PAN3: variants seen among roughly 807,000 people sequenced by gnomAD.
PAN3 encodes the protein poly(A) specific ribonuclease subunit PAN3, also known as PAN2-PAN3 deadenylation complex subunit PAN3.
In PAN3, 19 loss-of-function variants were observed where a neutral mutation model predicts 96.2. The observed-to-expected ratio is 0.20, with a 90% confidence interval of 0.14 to 0.29. PAN3 has a LOEUF of 0.29. Ranked by LOEUF, PAN3 falls within the 10% of genes least tolerant of loss-of-function variation. The pLI, the probability that PAN3 is intolerant of heterozygous loss-of-function variation, is 1.00. For synonymous variants in PAN3, 433 were observed against 406.6 expected (o/e 1.06, Z -0.78); for missense variants, 882 against 1,108.1 (o/e 0.80, Z 2.90).
At chr13:28,259,534 TA>T (rs1885513017) in intron 7 of PAN3, among the ~76,000 whole-genome samples, 1 of 151,960 alleles carries the variant, frequency 6.6e-6, no homozygotes, top group African/African-American at 2.4e-5. Context: ...TTTGTATTTT[TA>T]GTAGAGATGG....
chr13:28,211,067 A>T (rs1316174305), intron 5 of PAN3, among the ~76,000 whole-genome samples: 2 of 151,958 alleles, frequency 1.3e-5, no homozygotes, highest in African/African-American at 2.4e-5. Context: ...AATTTAAAAA[A>T]ATTTTTTTTT....
rs563517261 is a variant in PAN3, at chr13:28,172,329, G to A, written c.431-1943G>A. The stretch of plus-strand genomic sequence containing the variant: ...AAATTAGCCGGGCGTAGTGGTGGGC[G>A]CCTGTATTCCAAGCTATTCGGGAGG... On this transcript the variant is annotated intron_variant, in intron 1 of 18. Transcript: ENST00000380958. Among the ~76,000 whole-genome samples the A allele has an allele frequency of 1.4e-3, 218 of 152,106 alleles. 1 individual carries two copies. The highest frequency in any genetic ancestry group is 2.6e-3 in the Non-Finnish European group (180 of 67,994).
Position 28,139,006 on chromosome 13 carries a change from C to A in PAN3, c.349C>A (p.Pro117Thr). ...TGGGCCGCCCCCCGGGCCCAAGAAG[C>A]CGGACCTGGGGGACCCGGGGACCGG... ...GAGPPPGPKK[P>T]DLGDPGTGAA... The change falls in exon 1 of 19, where the codon CCG (proline) becomes ACG (threonine). Residue 117 changes from proline to threonine, a missense_variant. Transcript: ENST00000380958. 6 of 1,275,424 alleles carry A rather than the reference C, an allele frequency of 4.7e-6. No homozygotes were observed. Among genetic ancestry groups the A allele is most frequent in the Non-Finnish European group, 5.9e-6 (6 of 1,011,248 alleles). The allele number at this position is 1,275,424 out of a possible 1,614,324, so 79.0% of individuals were successfully genotyped here.
At chr13:28,247,962 C>T (rs772127313) in intron 6 of PAN3, among the ~76,000 whole-genome samples, 1 of 151,928 alleles carries the variant, frequency 6.6e-6, no homozygotes, top group Non-Finnish European at 1.5e-5. Flanking sequence ...AAAGAATGTC[C>T]TTGATATTTT....
chr13:28,249,345 T>G (rs1030632376), intron 6 of PAN3, among the ~76,000 whole-genome samples: 1 of 152,244 alleles, frequency 6.6e-6, no homozygotes, highest in Non-Finnish European at 1.5e-5. Flanking sequence ...TGTTATATAT[T>G]ATGTTTCTGT....
At chr13:28,263,978 G>A (rs945218788) in intron 9 of PAN3, among the ~76,000 whole-genome samples, 10 of 151,870 alleles carry the variant, frequency 6.6e-5, no homozygotes, top group South Asian at 4.2e-4. Context: ...ATCCCTTCCC[G>A]CGTAACATTT....
intron 5 of PAN3, among the ~76,000 whole-genome samples, chr13:28,203,278 A>G (rs1338396587): frequency 6.8e-6 from 1 of 147,084 alleles, no homozygotes; most frequent in Non-Finnish European, 1.5e-5. Context: ...TTTTGTGGTA[A>G]TTTATTTTAA....
At chr13:28,207,563 A>G (rs45577932) in intron 5 of PAN3, among the ~76,000 whole-genome samples, 147 of 152,230 alleles carry the variant, frequency 9.7e-4, no homozygotes, top group African/African-American at 3.3e-3. Context: ...TCCTTTGGCT[A>G]TTCTTTTTGA....
At chr13:28,160,906 A>G (rs1872802918) in intron 1 of PAN3, among the ~76,000 whole-genome samples, 1 of 152,252 alleles carries the variant, frequency 6.6e-6, no homozygotes, top group Non-Finnish European at 1.5e-5. Context: ...GTGTTTCAAG[A>G]AATCTTTCAG....
intron 17 of PAN3, among the ~76,000 whole-genome samples, chr13:28,282,837 C>A (rs1160738276): frequency 6.6e-6 from 1 of 152,174 alleles, no homozygotes; most frequent in Non-Finnish European, 1.5e-5. Flanking sequence ...CTCATTATCT[C>A]TCTGTGTTGG....
intron 5 of PAN3, chr13:28,214,572 A>G: frequency 2.6e-6 from 1 of 379,730 alleles, no homozygotes; most frequent in Non-Finnish European, 5.0e-6. Context: ...ATTCAAGGCA[A>G]GTCCACCACT....
chr13:28,255,458 C>T (rs557597033), intron 6 of PAN3, among the ~76,000 whole-genome samples: 123 of 152,086 alleles, frequency 8.1e-4, no homozygotes, highest in Non-Finnish European at 1.5e-3. Context: ...TCTCAGCTAG[C>T]TTGGAATCTC....
At chr13:28,176,687 C>T (rs953332233) in intron 3 of PAN3, 128 bp downstream of exon 3, 3 of 902,262 alleles carry the variant, frequency 3.3e-6, no homozygotes, top group Middle Eastern at 4.4e-4. Context: ...AAATTATTAT[C>T]TTCCCACTCA....
At position 28,138,666 on chromosome 13, in the gene PAN3, TGGC is replaced by T; in HGVS notation, c.16_18del (p.Gly6del). On this transcript the variant is annotated inframe_deletion, in exon 1 of 19. Coordinates refer to ENST00000380958, the MANE Select transcript of PAN3 (RefSeq NM_175854.8). Reference sequence around the variant, plus strand: ...GAGGCTGCGGCGTTGCCATGAACAGTGGCGGCGGCCTCCCGCCCCCCTCGGCCG... The same window carrying T: ...GAGGCTGCGGCGTTGCCATGAACAGTGGCGGCCTCCCGCCCCCCTCGGCCG... 1.4e-6 allele frequency: 1 copy of T among 707,862 alleles called. No homozygotes were observed. The highest frequency in any genetic ancestry group is 2.1e-6 in the Non-Finnish European group (1 of 485,408). 43.8% of individuals were successfully genotyped at this position (707,862 alleles called of 1,614,324 possible). A position where few individuals can be genotyped will look rare whatever the true frequency, so the allele number is the denominator to read the frequency against.
chr13:28,177,868 C>G lies in PAN3; in HGVS notation c.623C>G (p.Pro208Arg), dbSNP rs1198236924. 6.2e-7 allele frequency: 1 copy of G among 1,612,538 alleles called. No individual in the cohort carries two copies. The highest frequency in any genetic ancestry group is 1.1e-5 in the South Asian group (1 of 91,030). ...ACTTACGTAACTTACCTTTCAGATC[C>G]TCTAACATCACCTGCTTCATCCTTG... ...DSAKPYSAHD[P>R]LTSPASSLFN... Residue 208 changes from proline to arginine, a missense_variant, in exon 4 of 19, where the codon CCT becomes CGT. By Grantham distance (103) the Pro-to-Arg change is moderately radical (BLOSUM62 -2). Around this residue, in one of 3 missense-constraint regions of PAN3, gnomAD observed 442 missense variants for 422.8 expected, o/e 1.05. Transcript: ENST00000380958.
In PAN3 at chr13:28,215,773, G is replaced by A. The variant is rs576620614; in HGVS notation, c.853-4458G>A. 1.3e-3 allele frequency: 1,921 copies of A among 1,453,424 alleles called. 5 individuals carry two copies. The highest frequency in any genetic ancestry group is 1.9e-3 in the South Asian group (168 of 87,728). The allele number at this position is 1,453,424 out of a possible 1,614,324, so 90.0% of individuals were successfully genotyped here. Reference sequence around the variant, plus strand: ...AGCTTCTCAGACCATCCTCTTCTGAGTTGTTTTGCTGTTGGTGATGTGAGA... The same window carrying A: ...AGCTTCTCAGACCATCCTCTTCTGAATTGTTTTGCTGTTGGTGATGTGAGA... On this transcript the variant is annotated intron_variant, in intron 5 of 18. Transcript: ENST00000380958.
At chr13:28,201,600 C>T (rs751919828) in intron 5 of PAN3, among the ~76,000 whole-genome samples, 28 of 151,438 alleles carry the variant, frequency 1.8e-4, no homozygotes, top group Admixed American at 4.0e-4. Flanking sequence ...GGGTCTCACT[C>T]TGTTGCCTAG....
intron 4 of PAN3, among the ~76,000 whole-genome samples, chr13:28,190,739 C>T (rs1053819263): frequency 6.6e-6 from 1 of 152,140 alleles, no homozygotes; most frequent in African/African-American, 2.4e-5. Context: ...CATCAGATCT[C>T]GTGAGAATTC....
intron 4 of PAN3, among the ~76,000 whole-genome samples, chr13:28,179,580 G>A (rs1875496354): frequency 6.6e-6 from 1 of 151,958 alleles, no homozygotes; most frequent in Admixed American, 6.6e-5. Flanking sequence ...GTCAGGTGTG[G>A]TGGTACACAC....
Sources: gnomAD v4.1 joint callset for allele counts (sites outside exome capture counted in the v4.1 genomes callset) on GRCh38, gnomAD v4.1.1 for gene constraint, gnomAD v4.1.1 regional missense constraint, MANE v1.5 for transcripts, NCBI Gene and HGNC (gene_info 2026-07-23, HGNC 2026-07-21) for gene names.